CSMD1: variants seen among roughly 807,000 people sequenced by gnomAD.
CSMD1 encodes the protein CUB and Sushi multiple domains 1, also known as CUB and sushi domain-containing protein 1.
CSMD1 carries 213 observed loss-of-function variants against 417.5 expected under a neutral mutation model. That is an observed-to-expected ratio of 0.51 (90% CI 0.46 to 0.57). The LOEUF (loss-of-function observed/expected upper bound fraction) is 0.57, where lower values mean the gene tolerates loss of function less well. CSMD1 is among the 20% of genes least tolerant of loss of function. The probability of loss-of-function intolerance (pLI) is 0.00; values close to 1 mark genes in which losing one functional copy is unlikely to be tolerated. For synonymous variants in CSMD1, 2,862 were observed against 1,736.8 expected (o/e 1.65, Z -16.11); for missense variants, 6,923 against 4,529.7 (o/e 1.53, Z -15.17).
At chr8:3,505,629 G>A (rs548955037) in intron 10 of CSMD1, among the ~76,000 whole-genome samples, 1 of 152,240 alleles carries the variant, frequency 6.6e-6, no homozygotes, top group South Asian at 2.1e-4. Flanking sequence ...TATATTTGAG[G>A]AAATACAAAT....
In CSMD1 at chr8:3,259,509, C is replaced by G. The variant is rs146402046; in HGVS notation, c.4153+24635G>C. Among the ~76,000 whole-genome samples the G allele has an allele frequency of 7.5e-3, 1,148 of 152,252 alleles. 14 individuals are homozygous for G. The highest frequency in any genetic ancestry group is 0.026 in the African/African-American group (1,067 of 41,548). The stretch of plus-strand genomic sequence containing the variant: ...ATTGAAATTTTCAGTCTGATATTAG[C>G]TTTTCTTTGTCTGTAAGGGGTAGGT... On this transcript the variant is annotated intron_variant, in intron 26 of 69. Transcript: ENST00000635120.
chr8:4,072,911 C>A (rs545026960), intron 3 of CSMD1, among the ~76,000 whole-genome samples: 2 of 152,152 alleles, frequency 1.3e-5, no homozygotes, highest in Non-Finnish European at 2.9e-5. Context: ...ATCAACACAA[C>A]CTTGGATATT....
intron 4 of CSMD1, among the ~76,000 whole-genome samples, chr8:4,027,494 T>TTA (rs1348355014): frequency 2.6e-5 from 4 of 152,088 alleles, no homozygotes; most frequent in African/African-American, 9.7e-5. Flanking sequence ...TATGATGGCT[T>TTA]TATAAGGGTC....
intron 49 of CSMD1, among the ~76,000 whole-genome samples, chr8:3,074,678 A>C (rs77537788): frequency 0.043 from 6,516 of 152,296 alleles, 475 homozygotes; most frequent in African/African-American, 0.15. Context: ...CATTTTATCT[A>C]ATAGTTAGAA....
chr8:4,708,417 G>C (rs570898178), intron 1 of CSMD1, among the ~76,000 whole-genome samples: 20 of 152,268 alleles, frequency 1.3e-4, no homozygotes, highest in African/African-American at 4.3e-4. Context: ...CTGGTAAAAA[G>C]TAAAACTGCT....
In CSMD1 at chr8:3,795,425, CATAG is replaced by C. The variant is rs1472240636; in HGVS notation, c.819-41387_819-41384del. 1.2e-4 allele frequency among the ~76,000 whole-genome samples: 4 copies of C among 32,290 alleles called. 2 individuals are homozygous for C. The highest frequency in any genetic ancestry group is 2.3e-4 in the Non-Finnish European group (4 of 17,052). The allele number at this position is 32,290 out of a possible 152,430, so 21.2% of individuals were successfully genotyped here. On this transcript the variant is annotated intron_variant, in intron 5 of 69. Coordinates refer to ENST00000635120, the MANE Select transcript of CSMD1 (RefSeq NM_033225.6). ...ATCATAGATATAGATATATATCTATCATAGATATAGATATATATCTATCATAGAT... is the reference window on the plus strand; with the variant it reads ...ATCATAGATATAGATATATATCTATCATATAGATATATATCTATCATAGAT...
chr8:4,642,976 G>C (rs779132547), intron 1 of CSMD1, among the ~76,000 whole-genome samples: 3 of 152,206 alleles, frequency 2.0e-5, no homozygotes, highest in Non-Finnish European at 2.9e-5. Context: ...AGAAATGATG[G>C]ACAGGACTGC....
At chr8:4,314,286 G>T (rs897029578) in intron 3 of CSMD1, among the ~76,000 whole-genome samples, 223 of 152,138 alleles carry the variant, frequency 1.5e-3, no homozygotes, top group Middle Eastern at 6.8e-3. Flanking sequence ...AATCGACAAA[G>T]TACATAGGAT....
intron 27 of CSMD1, among the ~76,000 whole-genome samples, chr8:3,226,073 C>T (rs1427280236): frequency 6.6e-6 from 1 of 152,206 alleles, no homozygotes; most frequent in East Asian, 1.9e-4. Flanking sequence ...ATCTACGTTT[C>T]TGCATTAAAA....
intron 6 of CSMD1, among the ~76,000 whole-genome samples, chr8:3,742,903 C>G (rs1484508777): frequency 2.0e-5 from 3 of 152,208 alleles, no homozygotes; most frequent in African/African-American, 7.2e-5. Context: ...CAGAGTATTT[C>G]CGTGCGAATG....
At position 3,821,130 on chromosome 8, in the gene CSMD1, C is replaced by G. The variant is rs537175719; in HGVS notation, c.819-67088G>C. On this transcript the variant is annotated intron_variant, in intron 5 of 69. Transcript: ENST00000635120. ...ATGGAGTTTCACCATGTAAGCCAGG[C>G]TGGTCTCGAACTCCTGACCTCAGGT... Among the ~76,000 whole-genome samples the G allele has an allele frequency of 2.0e-5, 3 of 152,142 alleles. No homozygotes were observed. The South Asian group carries it at 6.2e-4, about 32-fold the overall frequency.
intron 5 of CSMD1, among the ~76,000 whole-genome samples, chr8:3,865,267 T>C (rs1805004952): frequency 6.6e-6 from 1 of 152,228 alleles, no homozygotes; most frequent in Admixed American, 6.5e-5. Context: ...AGTAAGTTAC[T>C]TCTGCCTCAC....
intron 26 of CSMD1, among the ~76,000 whole-genome samples, chr8:3,256,772 A>C (rs1800687792): frequency 6.6e-6 from 1 of 152,220 alleles, no homozygotes. Flanking sequence ...CATCTTGTGT[A>C]TGTTATTTAA....
At chr8:3,553,692 G>C (rs2116800493) in intron 10 of CSMD1, among the ~76,000 whole-genome samples, 1 of 152,190 alleles carries the variant, frequency 6.6e-6, no homozygotes, top group East Asian at 1.9e-4. Flanking sequence ...AATTTTAGTA[G>C]GTCCATAGTT....
chr8:3,956,894 C>A (rs1055714444), intron 5 of CSMD1, among the ~76,000 whole-genome samples: 9 of 152,150 alleles, frequency 5.9e-5, no homozygotes, highest in African/African-American at 2.2e-4. Flanking sequence ...AGGTGATTAT[C>A]TCTGCATTGT....
intron 3 of CSMD1, among the ~76,000 whole-genome samples, chr8:4,148,819 G>C (rs568039745): frequency 1.1e-4 from 16 of 152,268 alleles, no homozygotes; most frequent in East Asian, 1.9e-4. Context: ...TCATGATTCA[G>C]TCCCTCATGC....
chr8:3,884,417 A>T (rs1487899519), intron 5 of CSMD1, among the ~76,000 whole-genome samples: 1 of 152,092 alleles, frequency 6.6e-6, no homozygotes, highest in Non-Finnish European at 1.5e-5. Context: ...AAATCTTGTT[A>T]CAAGGGACAC....
At chr8:3,953,943 G>A (rs970070937) in intron 5 of CSMD1, among the ~76,000 whole-genome samples, 2 of 152,172 alleles carry the variant, frequency 1.3e-5, no homozygotes, top group African/African-American at 4.8e-5. Flanking sequence ...GGTGGCTCTG[G>A]GTCTCGCCTT....
At chr8:4,198,641 A>C (rs147190789) in intron 3 of CSMD1, among the ~76,000 whole-genome samples, 21 of 152,292 alleles carry the variant, frequency 1.4e-4, no homozygotes, top group African/African-American at 5.1e-4. Context: ...ATAATGTCCC[A>C]TTATCAACAT....
Sources: allele counts gnomAD v4.1 joint callset (sites outside exome capture counted in the v4.1 genomes callset), GRCh38; gene constraint gnomAD v4.1.1; transcripts MANE v1.5; gene names NCBI Gene and HGNC (gene_info 2026-07-23, HGNC 2026-07-21).